Variants in INSYN2A observed in about 807,000 individuals in gnomAD.
INSYN2A encodes the protein family with sequence similarity 196 member A.
INSYN2A carries 17 observed loss-of-function variants against 39.4 expected under a neutral mutation model. The observed-to-expected ratio is 0.43, with a 90% CI of 0.30 to 0.65. INSYN2A has a LOEUF of 0.65. Among genes scored for constraint, INSYN2A ranks in the 30% least tolerant of loss-of-function variants. INSYN2A has a pLI of 0.14. For missense variants in INSYN2A, 595 were observed against 631.2 expected, an observed-to-expected ratio of 0.94 and a Z score of 0.61; for synonymous variants, 255 against 265.7, an observed-to-expected ratio of 0.96 and a Z score of 0.39.
intron 4 of INSYN2A, among the ~76,000 whole-genome samples, chr10:127,166,769 C>T (rs977971279): frequency 2.6e-5 from 4 of 152,030 alleles, no homozygotes; most frequent in African/African-American, 9.7e-5. Context: ...TTAGAACTTG[C>T]ATTTCATTTT....
At chr10:127,146,004 C>G (rs1234280375) in intron 5 of INSYN2A, 2 of 517,678 alleles carry the variant, frequency 3.9e-6, no homozygotes, top group Non-Finnish European at 3.9e-6. Context: ...CCTGAATTCC[C>G]TAGTCACTCT....
intron 5 of INSYN2A, among the ~76,000 whole-genome samples, chr10:127,143,022 C>G (rs1014178943): frequency 6.6e-6 from 1 of 152,188 alleles, no homozygotes; most frequent in African/African-American, 2.4e-5. Flanking sequence ...TAACACTTCT[C>G]CCCGCTGCCG....
intron 2 of INSYN2A, among the ~76,000 whole-genome samples, chr10:127,186,202 A>G (rs1310680687): frequency 2.0e-5 from 3 of 152,166 alleles, no homozygotes; most frequent in Non-Finnish European, 2.9e-5. Flanking sequence ...TCACACTGCT[A>G]TGAAGAAATG....
At chr10:127,187,517 A>C (rs569276508) in intron 2 of INSYN2A, among the ~76,000 whole-genome samples, 1 of 152,300 alleles carries the variant, frequency 6.6e-6, no homozygotes, top group East Asian at 1.9e-4. Flanking sequence ...GAGTCTTTTA[A>C]AAGTTGTTTT....
chr10:127,167,815 AC>A (rs898455164), intron 4 of INSYN2A, among the ~76,000 whole-genome samples: 2 of 150,954 alleles, frequency 1.3e-5, no homozygotes, highest in Non-Finnish European at 3.0e-5. Flanking sequence ...CCTCACCACC[AC>A]CCCCCATCCC....
At chr10:127,184,196 A>G (rs929685363) in intron 2 of INSYN2A, among the ~76,000 whole-genome samples, 1 of 152,164 alleles carries the variant, frequency 6.6e-6, no homozygotes, top group Non-Finnish European at 1.5e-5. Context: ...TGTTAAAGGC[A>G]GGACTGGACT....
chr10:127,195,075 C>G (rs867383011), intron 1 of INSYN2A, among the ~76,000 whole-genome samples: 4 of 152,220 alleles, frequency 2.6e-5, no homozygotes, highest in Admixed American at 2.6e-4. Context: ...CCTGGCATCT[C>G]TTTATCACTG....
rs964480262 is a variant in INSYN2A, at chr10:127,195,528, C to T, written c.-395+469G>A. 4.6e-5 allele frequency among the ~76,000 whole-genome samples: 7 copies of T among 152,002 alleles called. No individual in the cohort carries two copies. In the East Asian group the frequency reaches 1.2e-3, roughly 25 times the overall value. The stretch of plus-strand genomic sequence containing the variant: ...GGCCCCTCTGTTCCAACTCATCCCC[C>T]CCCCGAAGTTAATCAGCCGTACTTG... On this transcript the variant is annotated intron_variant, in intron 1 of 5. Coordinates refer to ENST00000522781, the MANE Select transcript of INSYN2A (RefSeq NM_001039762.3).
chr10:127,142,594 G>A (rs904511045), intron 5 of INSYN2A, among the ~76,000 whole-genome samples: 24 of 152,174 alleles, frequency 1.6e-4, no homozygotes, highest in African/African-American at 5.8e-4. Flanking sequence ...TCAAACACAG[G>A]CTGTAGATTT....
chr10:127,138,741 G>C (rs899975599), intron 5 of INSYN2A, among the ~76,000 whole-genome samples: 1 of 152,174 alleles, frequency 6.6e-6, no homozygotes, highest in African/African-American at 2.4e-5. Context: ...GAGCCAATGT[G>C]GAAGCACATT....
At chr10:127,194,897 G>A (rs1331424380) in intron 1 of INSYN2A, among the ~76,000 whole-genome samples, 2 of 75,414 alleles carry the variant, frequency 2.7e-5, no homozygotes, top group East Asian at 8.9e-4. Context: ...CAAGGTCAAA[G>A]TAAACCGCTT....
At chr10:127,163,799 C>CTTTTT (rs531750560) in intron 4 of INSYN2A, among the ~76,000 whole-genome samples, 16 of 129,222 alleles carry the variant, frequency 1.2e-4, no homozygotes, top group Non-Finnish European at 1.5e-4. Context: ...TAAAGCCTTC[C>CTTTTT]TTTTTTTTTT....
chr10:127,177,264 A>G (rs1346563792), intron 2 of INSYN2A, 125 bp from the exon 3 acceptor site: 1 of 152,230 alleles, frequency 6.6e-6, no homozygotes, highest in Non-Finnish European at 1.5e-5. Context: ...AAATAAAACT[A>G]TGAGGCTTTA....
chr10:127,175,758 G>T lies in INSYN2A; in HGVS notation c.638C>A (p.Thr213Asn), dbSNP rs2055053857. ...SYGEAALQNS[T>N]RPPSEEPDYQ... ...ATCGGGCTCTTCGGATGGAGGCCGA[G>T]TGGAGTTTTGGAGCGCAGCTTCTCC... The change falls in exon 4 of 6, where the codon ACT becomes AAT. Residue 213 changes from threonine to asparagine, a missense_variant. By Grantham distance (65) the Thr-to-Asn change is moderately conservative (BLOSUM62 0). Coordinates refer to ENST00000522781, the MANE Select transcript of INSYN2A (RefSeq NM_001039762.3). This position sits in a 1 kb window ranked among gnomAD's most constrained non-coding sequence, Gnocchi z 6.3. The T allele has an allele frequency of 6.2e-7, 1 of 1,614,030 alleles. No individual in the cohort carries two copies. The highest frequency in any genetic ancestry group is 1.7e-5 in the Admixed American group (1 of 60,012).
chr10:127,187,630 A>T (rs2056394730), intron 2 of INSYN2A, among the ~76,000 whole-genome samples: 1 of 152,040 alleles, frequency 6.6e-6, no homozygotes, highest in South Asian at 2.1e-4. Flanking sequence ...GTAAACAAGC[A>T]TTTTTCCTTA....
rs1357012509 is a variant in INSYN2A, at chr10:127,175,680, T to A, written c.716A>T (p.Glu239Val). 8 of 1,613,746 alleles carry A rather than the reference T, an allele frequency of 5.0e-6. No individual in the cohort carries two copies. Among genetic ancestry groups the A allele is most frequent in the Non-Finnish European group, 5.9e-6 (7 of 1,179,978 alleles). ...CCTCCTGAGGGCAGGTGGAGCGGGC[T>A]CCTCGGAGTTTGGCCTCCCCCGGTC... ...KQDRGRPNSE[E>V]PAPPALRRVF... Residue 239 changes from glutamate (E) to valine (V), a missense_variant, in exon 4 of 6, where the codon GAG (glutamate) becomes GTG (valine). Physicochemically the swap from Glu to Val is moderately radical, Grantham distance 121. Around this residue, in one of 2 missense-constraint regions of INSYN2A, gnomAD observed 478 missense variants for 467.4 expected, o/e 1.02. Coordinates refer to ENST00000522781, the MANE Select transcript of INSYN2A (RefSeq NM_001039762.3). This position sits in a 1 kb window ranked among gnomAD's most constrained non-coding sequence, Gnocchi z 6.3.
chr10:127,142,848 G>C (rs2051400833), intron 5 of INSYN2A, among the ~76,000 whole-genome samples: 1 of 152,128 alleles, frequency 6.6e-6, no homozygotes, highest in Admixed American at 6.5e-5. Context: ...TTCTTGGTTG[G>C]TCTTTCCCTT....
chr10:127,141,767 CCT>C (rs2051282405), intron 5 of INSYN2A, among the ~76,000 whole-genome samples: 1 of 152,174 alleles, frequency 6.6e-6, no homozygotes, highest in Admixed American at 6.5e-5. Flanking sequence ...TGTGTCCTCC[CCT>C]GTGTCCTCCC....
intron 2 of INSYN2A, among the ~76,000 whole-genome samples, chr10:127,191,399 C>T (rs1256526907): frequency 6.6e-6 from 1 of 152,140 alleles, no homozygotes; most frequent in Non-Finnish European, 1.5e-5. Flanking sequence ...TGAACAAAGC[C>T]ATCTGCATAT....
Sources: gnomAD v4.1 joint callset for allele counts (sites outside exome capture counted in the v4.1 genomes callset) on GRCh38, gnomAD v4.1.1 for gene constraint, gnomAD v4.1.1 regional missense constraint, Gnocchi (gnomAD v3.1) non-coding constraint, MANE v1.5 for transcripts, NCBI Gene and HGNC (gene_info 2026-07-23, HGNC 2026-07-21) for gene names.